CREB5: variants seen among roughly 807,000 people sequenced by gnomAD.
CREB5 encodes the protein cyclic AMP-responsive element-binding protein 5.
Under a neutral mutation model 57.1 loss-of-function variants are expected in CREB5, and 19 were observed. The observed-to-expected ratio is 0.33, with a 90% confidence interval of 0.23 to 0.49. CREB5 has a LOEUF of 0.49. Ranked by LOEUF, CREB5 falls within the 20% of genes least tolerant of loss-of-function variation. The probability of loss-of-function intolerance (pLI) is 0.99; values close to 1 mark genes in which losing one functional copy is unlikely to be tolerated. For synonymous variants in CREB5, 238 were observed against 238.3 expected, an observed-to-expected ratio of 1.00 and a Z score of 0.01; for missense variants, 579 against 671.6, an observed-to-expected ratio of 0.86 and a Z score of 1.52.
chr7:28,475,841 A>G (rs932195605), intron 1 of CREB5, among the ~76,000 whole-genome samples: 1 of 152,160 alleles, frequency 6.6e-6, no homozygotes, highest in African/African-American at 2.4e-5. Context: ...AGCTGTTTTC[A>G]GGAAGGAAAA....
At chr7:28,506,150 C>A (rs1331297863) in intron 3 of CREB5, among the ~76,000 whole-genome samples, 1 of 152,230 alleles carries the variant, frequency 6.6e-6, no homozygotes. Context: ...AATCAAGAGA[C>A]ATTGCCTCTA....
chr7:28,608,713 A>G (rs1259191974), intron 5 of CREB5, among the ~76,000 whole-genome samples: 1 of 152,214 alleles, frequency 6.6e-6, no homozygotes, highest in East Asian at 1.9e-4. Context: ...TTACCATACA[A>G]AACCAGGACA....
intron 5 of CREB5, among the ~76,000 whole-genome samples, chr7:28,590,445 A>G (rs917513229): frequency 2.9e-4 from 43 of 146,898 alleles, no homozygotes; most frequent in African/African-American, 8.3e-4. Context: ...ACCAAACACC[A>G]CATGTTCTCA....
At chr7:28,557,300 G>A (rs970728246) in intron 4 of CREB5, among the ~76,000 whole-genome samples, 1 of 152,138 alleles carries the variant, frequency 6.6e-6, no homozygotes, top group African/African-American at 2.4e-5. Context: ...GTACAATGAA[G>A]TGAAATGAAA....
chr7:28,560,890 G>A lies in CREB5; in HGVS notation c.292-9475G>A. ...CCTGCGTGCGCGTGCGTGCGTGCGT[G>A]TGTGTGCGTGCGCGCGTGCGTGTGC... On this transcript the variant is annotated intron_variant, in intron 4 of 10. Transcript: ENST00000357727. Among the ~76,000 whole-genome samples the A allele has an allele frequency of 4.6e-5, 2 of 43,686 alleles. 1 individual carries two copies. The highest frequency in any genetic ancestry group is 3.2e-4 in the African/African-American group (2 of 6,290). The allele number at this position is 43,686 out of a possible 152,430, so 28.7% of individuals were successfully genotyped here.
chr7:28,625,036 A>G lies in CREB5; in HGVS notation c.464+54499A>G, dbSNP rs372148776. Among the ~76,000 whole-genome samples the G allele has an allele frequency of 4.6e-5, 7 of 150,956 alleles. No homozygotes were observed. The East Asian group carries it at 1.4e-3, about 29-fold the overall frequency. ...TTTTTTGGTGAGGATTTAAAAATAC[A>G]GAGTAAGATAAAAGATTTCATAAGC... On this transcript the variant is annotated intron_variant, in intron 5 of 10. Transcript: ENST00000357727.
chr7:28,525,250 A>G (rs1006844242), intron 4 of CREB5, among the ~76,000 whole-genome samples: 6 of 152,304 alleles, frequency 3.9e-5, no homozygotes, highest in East Asian at 1.9e-4. Flanking sequence ...GATTGATTCC[A>G]TATCTTGGCT....
intron 3 of CREB5, among the ~76,000 whole-genome samples, chr7:28,498,243 A>T (rs1169855412): frequency 4.6e-5 from 7 of 152,186 alleles, no homozygotes; most frequent in Non-Finnish European, 8.8e-5. Flanking sequence ...AATAATGTAA[A>T]TCAAAATATC....
intron 7 of CREB5, among the ~76,000 whole-genome samples, chr7:28,759,709 C>G (rs934045671): frequency 6.6e-6 from 1 of 152,194 alleles, no homozygotes; most frequent in Non-Finnish European, 1.5e-5. Flanking sequence ...GGTCACTTGC[C>G]TTTGTATAGA....
intron 3 of CREB5, among the ~76,000 whole-genome samples, chr7:28,505,553 A>C (rs1032489803): frequency 2.6e-5 from 4 of 152,200 alleles, no homozygotes; most frequent in African/African-American, 9.6e-5. Flanking sequence ...CAGTATTCTC[A>C]AATCTAGATT....
chr7:28,551,128 T>A (rs1794625853), intron 4 of CREB5, among the ~76,000 whole-genome samples: 1 of 151,728 alleles, frequency 6.6e-6, no homozygotes. Context: ...CCGATTGGTA[T>A]ATGGCATCTC....
intron 4 of CREB5, among the ~76,000 whole-genome samples, chr7:28,545,617 TC>T (rs1214836304): frequency 1.3e-5 from 2 of 152,220 alleles, no homozygotes; most frequent in African/African-American, 4.8e-5. Context: ...ATTTTAAGTG[TC>T]TTCTGCTTTA....
intron 7 of CREB5, among the ~76,000 whole-genome samples, chr7:28,798,174 G>T (rs947875168): frequency 6.6e-6 from 1 of 152,074 alleles, no homozygotes; most frequent in Non-Finnish European, 1.5e-5. Context: ...AACCTTTCTG[G>T]AAAGAATACT....
intron 1 of CREB5, among the ~76,000 whole-genome samples, chr7:28,414,795 T>TA (rs144235177): frequency 6.6e-6 from 1 of 152,078 alleles, no homozygotes; most frequent in Non-Finnish European, 1.5e-5. Flanking sequence ...TTTTTTTTTT[T>TA]ATAAAAAGAG....
At chr7:28,584,083 A>T (rs1796223236) in intron 5 of CREB5, among the ~76,000 whole-genome samples, 2 of 152,076 alleles carry the variant, frequency 1.3e-5, no homozygotes, top group Non-Finnish European at 2.9e-5. Flanking sequence ...CCTCTACCAC[A>T]GTCAAGCCCG....
At chr7:28,525,458 TTC>T (rs1291517734) in intron 4 of CREB5, among the ~76,000 whole-genome samples, 1 of 152,178 alleles carries the variant, frequency 6.6e-6, no homozygotes, top group Non-Finnish European at 1.5e-5. Context: ...TGTGTAAGAA[TTC>T]TCTTTCTTCC....
chr7:28,531,238 T>A (rs1793716248), intron 4 of CREB5, among the ~76,000 whole-genome samples: 1 of 152,120 alleles, frequency 6.6e-6, no homozygotes, highest in Non-Finnish European at 1.5e-5. Flanking sequence ...ACTGGGTGGC[T>A]TAGAACAACA....
chr7:28,461,065 C>T (rs1464926178), intron 1 of CREB5, among the ~76,000 whole-genome samples: 4 of 151,608 alleles, frequency 2.6e-5, no homozygotes, highest in Non-Finnish European at 4.4e-5. Context: ...AATGAAATCC[C>T]CACAAAAACT....
chr7:28,623,956 T>TCCCAGG (rs1562533490), intron 5 of CREB5, among the ~76,000 whole-genome samples: 3 of 152,148 alleles, frequency 2.0e-5, no homozygotes, highest in Admixed American at 1.3e-4. Context: ...CCCAGGGATA[T>TCCCAGG]GATAAGAACA....
Sources: gnomAD v4.1 joint callset for allele counts (sites outside exome capture counted in the v4.1 genomes callset) on GRCh38, gnomAD v4.1.1 for gene constraint, MANE v1.5 for transcripts, NCBI Gene and HGNC (gene_info 2026-07-23, HGNC 2026-07-21) for gene names.